The following ASH1L variants were observed in gnomAD, a reference collection of about 807,000 sequenced individuals.
ASH1L encodes the protein histone-lysine N-methyltransferase ASH1L.
Under a neutral mutation model 269.0 loss-of-function variants are expected in ASH1L, and 23 were observed. The observed-to-expected ratio is 0.09, with a 90% confidence interval of 0.06 to 0.12. ASH1L has a LOEUF of 0.12. ASH1L is among the 10% of genes least tolerant of loss of function. ASH1L has a pLI of 1.00. For missense variants in ASH1L, 2,912 were observed against 3,567.8 expected (o/e 0.82, Z 4.68); for synonymous variants, 1,187 against 1,253.5 (o/e 0.95, Z 1.12).
chr1:155,427,049 T>C (rs1272370658), intron 5 of ASH1L, among the ~76,000 whole-genome samples: 2 of 152,084 alleles, frequency 1.3e-5, no homozygotes, highest in Non-Finnish European at 2.9e-5. Flanking sequence ...ACCACCTTAA[T>C]ACTCCATAGC....
chr1:155,551,316 G>A (rs1671186618), intron 1 of ASH1L, among the ~76,000 whole-genome samples: 1 of 152,048 alleles, frequency 6.6e-6, no homozygotes, highest in Non-Finnish European at 1.5e-5. Flanking sequence ...ATTCACTTTA[G>A]CAGAAAAATA....
chr1:155,371,798 A>G (rs924115405), intron 10 of ASH1L, among the ~76,000 whole-genome samples: 3 of 149,908 alleles, frequency 2.0e-5, no homozygotes, highest in Admixed American at 6.7e-5. Flanking sequence ...GGTTCAAGAG[A>G]TTCTCCTGCC....
At chr1:155,438,261 G>A in intron 5 of ASH1L, 66 bp downstream of exon 5, 1 of 1,427,946 alleles carries the variant, frequency 7.0e-7, no homozygotes, top group Non-Finnish European at 9.4e-7. Flanking sequence ...TTCAGCTATA[G>A]AGTTACATTA....
chr1:155,553,725 G>C (rs943773269), intron 1 of ASH1L, among the ~76,000 whole-genome samples: 2 of 151,930 alleles, frequency 1.3e-5, no homozygotes, highest in African/African-American at 2.4e-5. Context: ...ATGTATCGTA[G>C]TATGTTTGTT....
chr1:155,514,540 GTTTAT>G (rs1351471712), intron 2 of ASH1L, among the ~76,000 whole-genome samples: 2 of 150,208 alleles, frequency 1.3e-5, no homozygotes, highest in East Asian at 1.9e-4. Flanking sequence ...ATTACTTGCT[GTTTAT>G]TTTATATTTA....
intron 17 of ASH1L, among the ~76,000 whole-genome samples, chr1:155,352,488 A>G (rs1426218431): frequency 6.6e-6 from 1 of 151,752 alleles, no homozygotes; most frequent in Non-Finnish European, 1.5e-5. Context: ...AAAGATAATC[A>G]GGAGACAGAA....
chr1:155,545,116 G>A (rs1436028835), intron 1 of ASH1L, among the ~76,000 whole-genome samples: 3 of 131,690 alleles, frequency 2.3e-5, no homozygotes, highest in Non-Finnish European at 3.1e-5. Flanking sequence ...AGGTTGCGGT[G>A]AGCCGAGATC....
chr1:155,443,114 T>C (rs146707242), intron 4 of ASH1L, among the ~76,000 whole-genome samples: 9 of 152,354 alleles, frequency 5.9e-5, no homozygotes, highest in Admixed American at 6.5e-5. Flanking sequence ...GACCAGGACA[T>C]AATTCATTAA....
intron 1 of ASH1L, among the ~76,000 whole-genome samples, chr1:155,550,544 C>T (rs777819197): frequency 6.6e-6 from 1 of 152,154 alleles, no homozygotes; most frequent in Non-Finnish European, 1.5e-5. Flanking sequence ...AACACACCAA[C>T]AGGTACTCCT....
At position 155,462,783 on chromosome 1, in the gene ASH1L, A is replaced by C. The variant is rs1051061766; in HGVS notation, c.4985-2885T>G. ...AAGTTTGAATTCCCTGTTCATACAG[A>C]GCAGAGCTATTCTTAACAATATTCC... On this transcript the variant is annotated intron_variant, in intron 3 of 27. Transcript: ENST00000392403. 4.6e-5 allele frequency among the ~76,000 whole-genome samples: 7 copies of C among 152,206 alleles called. No homozygotes were observed. The South Asian group carries it at 1.0e-3, about 23-fold the overall frequency.
chr1:155,433,181 T>A (rs1661739014), intron 5 of ASH1L: 2 of 1,532,378 alleles, frequency 1.3e-6, no homozygotes, highest in Non-Finnish European at 8.8e-7. Context: ...TCCTTCCCCA[T>A]GGCGGGACAC....
intron 1 of ASH1L, among the ~76,000 whole-genome samples, chr1:155,560,767 T>C (rs1671905494): frequency 6.6e-6 from 1 of 152,224 alleles, no homozygotes; most frequent in Admixed American, 6.5e-5. Flanking sequence ...AGTTAAGCTG[T>C]GAAAGCCTTC....
chr1:155,359,556 C>T (rs1049827459), intron 13 of ASH1L, among the ~76,000 whole-genome samples: 2 of 151,836 alleles, frequency 1.3e-5, no homozygotes, highest in African/African-American at 2.4e-5. Context: ...ATTACAGGCG[C>T]GAGCCACCAT....
intron 10 of ASH1L, among the ~76,000 whole-genome samples, chr1:155,375,943 A>T (rs937571161): frequency 2.0e-5 from 3 of 152,234 alleles, no homozygotes; most frequent in Non-Finnish European, 2.9e-5. Flanking sequence ...AAAAATAAAT[A>T]AAATAAATAA....
At chr1:155,435,570 C>T (rs910951973) in intron 5 of ASH1L, among the ~76,000 whole-genome samples, 4 of 151,254 alleles carry the variant, frequency 2.6e-5, no homozygotes, top group African/African-American at 9.7e-5. Flanking sequence ...GTGTATTGCT[C>T]CTGAAATTAA....
chr1:155,432,893 C>T (rs75268656), intron 5 of ASH1L, among the ~76,000 whole-genome samples: 1 of 152,262 alleles, frequency 6.6e-6, no homozygotes, highest in Admixed American at 6.5e-5. Context: ...GCAACACCAC[C>T]ACGCCCAGCT....
At chr1:155,386,420 C>A (rs552004421) in intron 7 of ASH1L, among the ~76,000 whole-genome samples, 38 of 151,952 alleles carry the variant, frequency 2.5e-4, no homozygotes, top group African/African-American at 8.0e-4. Flanking sequence ...CGGAGTCTTA[C>A]TTTTTTGCCT....
At chr1:155,483,844 A>G (rs140359922) in intron 2 of ASH1L, among the ~76,000 whole-genome samples, 3 of 152,280 alleles carry the variant, frequency 2.0e-5, no homozygotes, top group East Asian at 3.9e-4. Context: ...GTAGGAAGAG[A>G]TATCAATATA....
At chr1:155,462,971 GACT>G (rs1433239207) in intron 3 of ASH1L, among the ~76,000 whole-genome samples, 2 of 152,192 alleles carry the variant, frequency 1.3e-5, no homozygotes, top group African/African-American at 4.8e-5. Context: ...CCAAGTTTAA[GACT>G]GGAAAGTGAT....
Sources: allele counts gnomAD v4.1 joint callset (sites outside exome capture counted in the v4.1 genomes callset), GRCh38; gene constraint gnomAD v4.1.1; transcripts MANE v1.5; gene names NCBI Gene and HGNC (gene_info 2026-07-23, HGNC 2026-07-21).